The following UBE2F variants were observed in gnomAD, a reference collection of about 807,000 sequenced individuals.
UBE2F encodes the protein NEDD8-conjugating enzyme UBE2F.
In UBE2F, 5 loss-of-function variants were observed where a neutral mutation model predicts 29.6. The ratio of observed to expected loss-of-function variants is 0.17; its 90% CI spans 0.09 to 0.36. The LOEUF (loss-of-function observed/expected upper bound fraction) is 0.36. UBE2F is among the 10% of genes least tolerant of loss of function. The pLI is 1.00. For missense variants in UBE2F, 141 were observed against 228.5 expected, an observed-to-expected ratio of 0.62 and a Z score of 2.47; for synonymous variants, 66 against 81.8, an observed-to-expected ratio of 0.81 and a Z score of 1.04.
chr2:237,981,824 G>A (rs1462116086), intron 2 of UBE2F, among the ~76,000 whole-genome samples: 4 of 151,556 alleles, frequency 2.6e-5, no homozygotes, highest in African/African-American at 7.3e-5. Flanking sequence ...ACAAGGTTTC[G>A]CCACGTTGCC....
At chr2:238,015,828 C>T (rs1456720404) in intron 4 of UBE2F, among the ~76,000 whole-genome samples, 1 of 152,092 alleles carries the variant, frequency 6.6e-6, no homozygotes, top group Non-Finnish European at 1.5e-5. Context: ...GTGCCCTCTG[C>T]TGGCACCAGC....
intron 4 of UBE2F, among the ~76,000 whole-genome samples, chr2:238,014,767 A>G (rs2064116907): frequency 6.6e-6 from 1 of 152,180 alleles, no homozygotes; most frequent in Non-Finnish European, 1.5e-5. Flanking sequence ...TCAATATCAC[A>G]ATACATGTAA....
chr2:238,025,153 G>T (rs943877151), intron 5 of UBE2F, 189 bp from the exon 6 acceptor site: 1 of 593,514 alleles, frequency 1.7e-6, no homozygotes, highest in Non-Finnish European at 3.1e-6. Flanking sequence ...TGGATGCAGC[G>T]CATCAACACA....
intron 2 of UBE2F, among the ~76,000 whole-genome samples, chr2:237,981,209 C>G (rs2063369930): frequency 6.6e-6 from 1 of 152,162 alleles, no homozygotes; most frequent in Non-Finnish European, 1.5e-5. Context: ...AGAAGGGCCA[C>G]TGCTTTGCCC....
At chr2:237,969,904 T>C (rs991503435) in intron 1 of UBE2F, among the ~76,000 whole-genome samples, 7 of 152,218 alleles carry the variant, frequency 4.6e-5, no homozygotes, top group Non-Finnish European at 8.8e-5. Context: ...TGTGCTCTTA[T>C]GGAGGGCCAC....
chr2:238,000,663 C>A (rs2063774521), intron 4 of UBE2F, among the ~76,000 whole-genome samples: 1 of 152,084 alleles, frequency 6.6e-6, no homozygotes, highest in Admixed American at 6.6e-5. Flanking sequence ...GTTTTTATTT[C>A]TTCTGGGTAA....
chr2:238,031,767 A>C (rs2064587313), intron 7 of UBE2F, among the ~76,000 whole-genome samples: 1 of 152,250 alleles, frequency 6.6e-6, no homozygotes, highest in South Asian at 2.1e-4. Context: ...CAAAATCATT[A>C]AGAAAACTTA....
intron 4 of UBE2F, among the ~76,000 whole-genome samples, chr2:237,998,478 A>ACAT (rs2063730099): frequency 6.6e-6 from 1 of 152,152 alleles, no homozygotes. Flanking sequence ...TGTGTGAATC[A>ACAT]GTAGTTTATT....
Position 237,967,225 on chromosome 2 carries a change from G to T in UBE2F, c.-17+93G>T, listed in dbSNP as rs1457975638. On this transcript the variant is annotated intron_variant, in intron 1 of 9. Transcript: ENST00000272930. This position sits in a 1 kb window ranked among gnomAD's most constrained non-coding sequence, Gnocchi z 6.3. ...GGCCGGGCGGAGGGCGCGGGCGGTGGCGGGGCCGCCTCGGGCCCGCCGGGT... is the reference window on the plus strand; with the variant it reads ...GGCCGGGCGGAGGGCGCGGGCGGTGTCGGGGCCGCCTCGGGCCCGCCGGGT... The T allele has an allele frequency of 6.7e-6, 6 of 897,246 alleles. No individual in the cohort carries two copies. In the East Asian group the frequency reaches 5.6e-4, roughly 84 times the overall value. The allele number at this position is 897,246 out of a possible 1,614,324, so 55.6% of individuals were successfully genotyped here.
At chr2:238,030,466 C>T in intron 6 of UBE2F, 90 bp from the exon 7 acceptor site, 1 of 867,872 alleles carries the variant, frequency 1.2e-6, no homozygotes, top group Non-Finnish European at 1.9e-6. Flanking sequence ...AGTAGAGCTC[C>T]TGCATGGCAC....
intron 4 of UBE2F, chr2:238,003,283 C>G: frequency 2.2e-6 from 1 of 456,100 alleles, no homozygotes; most frequent in South Asian, 1.6e-5. Context: ...GTGATGTTAG[C>G]TCTTAAAATG....
intron 2 of UBE2F, 36 bp downstream of exon 2, chr2:237,973,261 A>G (rs958652718): frequency 3.8e-6 from 6 of 1,591,548 alleles, no homozygotes; most frequent in Non-Finnish European, 5.2e-6. Flanking sequence ...TTTATATCCT[A>G]TAACAAAAGG....
intron 5 of UBE2F, among the ~76,000 whole-genome samples, chr2:238,021,241 A>G (rs1391617096): frequency 6.6e-6 from 1 of 152,236 alleles, no homozygotes; most frequent in Non-Finnish European, 1.5e-5. Flanking sequence ...AAGGAAGGCC[A>G]GTCCTGCCAT....
chr2:238,025,261 G>A, intron 5 of UBE2F, 81 bp from the exon 6 acceptor site: 1 of 1,194,694 alleles, frequency 8.4e-7, no homozygotes. Flanking sequence ...GTCTAGATAG[G>A]GGATGTGGTA....
intron 5 of UBE2F, among the ~76,000 whole-genome samples, chr2:238,018,854 T>C (rs568316970): frequency 1.2e-4 from 18 of 152,184 alleles, no homozygotes; most frequent in African/African-American, 4.3e-4. Flanking sequence ...TCCTACCACA[T>C]CAGGTGGTGA....
In UBE2F at chr2:238,032,205, TTTC is replaced by T; in HGVS notation, c.412-14_412-12del. ...CTTTGGCTTAAAACTTGTTTTCTGT[TTTC>T]TTTTTTATTTCAGGATGTCGTTTGG... On this transcript the variant is annotated splice_polypyrimidine_tract_variant and intron_variant, in intron 7 of 9. Transcript: ENST00000272930. The T allele has an allele frequency of 6.2e-7, 1 of 1,611,782 alleles. No individual in the cohort carries two copies. Among genetic ancestry groups the T allele is most frequent in the Non-Finnish European group, 8.5e-7 (1 of 1,178,066 alleles).
intron 4 of UBE2F, among the ~76,000 whole-genome samples, chr2:237,997,993 A>G (rs1336787513): frequency 2.0e-5 from 3 of 152,186 alleles, no homozygotes; most frequent in Non-Finnish European, 2.9e-5. Flanking sequence ...CAGTTTGAAA[A>G]ACTGGACCTG....
intron 4 of UBE2F, among the ~76,000 whole-genome samples, chr2:238,014,574 G>A (rs2064113194): frequency 6.6e-6 from 1 of 152,244 alleles, no homozygotes; most frequent in Admixed American, 6.5e-5. Context: ...TGGCAGGATG[G>A]AATGGCCAGA....
chr2:238,002,063 A>ATTTTTTT (rs10695548), intron 4 of UBE2F, among the ~76,000 whole-genome samples: 1 of 126,190 alleles, frequency 7.9e-6, no homozygotes, highest in Non-Finnish European at 1.6e-5. Flanking sequence ...GAATATCCCA[A>ATTTTTTT]TTTTTTTTTT....
Sources: gnomAD v4.1 joint callset for allele counts (sites outside exome capture counted in the v4.1 genomes callset) on GRCh38, gnomAD v4.1.1 for gene constraint, Gnocchi (gnomAD v3.1) non-coding constraint, MANE v1.5 for transcripts, NCBI Gene and HGNC (gene_info 2026-07-23, HGNC 2026-07-21) for gene names.